ANKAR: variants seen among roughly 807,000 people sequenced by gnomAD.
The protein encoded by ANKAR is ankyrin and armadillo repeat-containing protein.
A neutral mutation model predicts 146.2 loss-of-function variants in ANKAR; 136 were observed. The observed-to-expected ratio is 0.93, with a 90% confidence interval of 0.81 to 1.07. ANKAR has a LOEUF of 1.07. ANKAR is among the 50% of genes least tolerant of loss of function. ANKAR has a pLI of 0.00. For missense variants in ANKAR, 1,567 were observed against 1,679.9 expected, an observed-to-expected ratio of 0.93 and a Z score of 1.18; for synonymous variants, 500 against 575.8, an observed-to-expected ratio of 0.87 and a Z score of 1.88.
At chr2:189,729,363 T>C (rs756873154) in intron 15 of ANKAR, among the ~76,000 whole-genome samples, 3 of 152,214 alleles carry the variant, frequency 2.0e-5, no homozygotes, top group Non-Finnish European at 4.4e-5. Flanking sequence ...TGTAGACTGC[T>C]TCTTGCAAAC....
intron 11 of ANKAR, among the ~76,000 whole-genome samples, chr2:189,720,241 T>A (rs116439204): frequency 2.8e-4 from 43 of 152,204 alleles, no homozygotes; most frequent in African/African-American, 9.6e-4. Context: ...GATTACAGAC[T>A]TGTGTTTCTT....
At chr2:189,740,860 A>G (rs1420556282) in intron 19 of ANKAR, among the ~76,000 whole-genome samples, 1 of 151,902 alleles carries the variant, frequency 6.6e-6, no homozygotes, top group Non-Finnish European at 1.5e-5. Flanking sequence ...CGCCCGGCTA[A>G]TTTTTGTATT....
intron 7 of ANKAR, among the ~76,000 whole-genome samples, chr2:189,701,275 C>T (rs994384744): frequency 2.6e-5 from 4 of 151,804 alleles, no homozygotes; most frequent in Non-Finnish European, 5.9e-5. Flanking sequence ...ATTTATTGCC[C>T]AGGCTGGAGT....
chr2:189,688,849 C>T (rs952085252), intron 2 of ANKAR, among the ~76,000 whole-genome samples: 6 of 152,170 alleles, frequency 3.9e-5, no homozygotes, highest in Non-Finnish European at 8.8e-5. Context: ...TTCACGTGTA[C>T]AGCCTCTGTA....
intron 18 of ANKAR, among the ~76,000 whole-genome samples, chr2:189,760,095 C>T (rs972332986): frequency 6.6e-6 from 1 of 152,240 alleles, no homozygotes; most frequent in Non-Finnish European, 1.5e-5. Context: ...AGATCAACAG[C>T]ATCCCAAGGC....
intron 18 of ANKAR, chr2:189,755,343 G>C (rs766224895): frequency 2.5e-6 from 4 of 1,613,440 alleles, no homozygotes; most frequent in Non-Finnish European, 3.4e-6. Context: ...GCCTCCATAT[G>C]ATGAATGGGA....
At chr2:189,689,469 A>T in intron 2 of ANKAR, 58 bp from the exon 3 acceptor site, 1 of 1,380,446 alleles carries the variant, frequency 7.2e-7, no homozygotes. Context: ...TTCTGTATTT[A>T]TCCAGAAGCC....
At chr2:189,679,755 A>T (rs940588243) in intron 2 of ANKAR, among the ~76,000 whole-genome samples, 1 of 152,156 alleles carries the variant, frequency 6.6e-6, no homozygotes, top group Admixed American at 6.5e-5. Context: ...GATGTATCAC[A>T]TATATTGACT....
chr2:189,680,701 C>A (rs1413286958), intron 2 of ANKAR, among the ~76,000 whole-genome samples: 2 of 152,048 alleles, frequency 1.3e-5, no homozygotes, highest in African/African-American at 2.4e-5. Flanking sequence ...AAAGATCATT[C>A]TGGAGCAGAT....
At chr2:189,755,022 T>C in intron 18 of ANKAR, 2 of 843,476 alleles carry the variant, frequency 2.4e-6, no homozygotes, top group Non-Finnish European at 3.5e-6. Context: ...TGTACTACTC[T>C]TTCTATTTTT....
intron 9 of ANKAR, among the ~76,000 whole-genome samples, chr2:189,707,894 G>A (rs1020657055): frequency 6.6e-6 from 1 of 152,160 alleles, no homozygotes; most frequent in African/African-American, 2.4e-5. Flanking sequence ...CAGTGGGAAA[G>A]CTGAGAACCC....
chr2:189,759,904 G>A (rs947176115), intron 18 of ANKAR, among the ~76,000 whole-genome samples: 2 of 152,144 alleles, frequency 1.3e-5, no homozygotes, highest in South Asian at 2.1e-4. Flanking sequence ...AGGACTCTGC[G>A]GCCTTCTGCA....
intron 8 of ANKAR, among the ~76,000 whole-genome samples, chr2:189,705,681 T>A (rs2038835656): frequency 6.6e-6 from 1 of 152,172 alleles, no homozygotes; most frequent in South Asian, 2.1e-4. Context: ...TCAAAGCGGA[T>A]GGACTTTGGA....
intron 2 of ANKAR, among the ~76,000 whole-genome samples, chr2:189,683,285 G>A (rs4667300): frequency 1 from 152,150 of 152,350 alleles, 75,977 homozygotes; most frequent in Middle Eastern, 1. Flanking sequence ...AAGTGTATCC[G>A]CTGGCTGCTG....
intron 17 of ANKAR, among the ~76,000 whole-genome samples, chr2:189,735,966 T>C (rs2042801863): frequency 2.0e-5 from 3 of 152,208 alleles, no homozygotes; most frequent in Admixed American, 1.3e-4. Flanking sequence ...TAACAATAAG[T>C]AACCAGTGGG....
At chr2:189,719,331 T>G (rs2040966411) in intron 10 of ANKAR, among the ~76,000 whole-genome samples, 1 of 152,194 alleles carries the variant, frequency 6.6e-6, no homozygotes, top group Non-Finnish European at 1.5e-5. Flanking sequence ...ATATAAAATG[T>G]TTGATCATGC....
intron 12 of ANKAR, among the ~76,000 whole-genome samples, chr2:189,721,869 G>A (rs549976814): frequency 2.0e-5 from 3 of 152,192 alleles, no homozygotes; most frequent in East Asian, 1.9e-4. Flanking sequence ...AAGAATAAGG[G>A]GAATGTAGAA....
chr2:189,733,840 A>G (rs1203051138), intron 17 of ANKAR, among the ~76,000 whole-genome samples: 2 of 111,150 alleles, frequency 1.8e-5, no homozygotes, highest in African/African-American at 3.4e-5. Context: ...ATTTTTTTCA[A>G]TGTCTACTTT....
At chr2:189,748,591 G>A (rs1234750361), downstream of ANKAR, among the ~76,000 whole-genome samples, 1 of 152,184 alleles carries the variant, frequency 6.6e-6, no homozygotes, top group Non-Finnish European at 1.5e-5. Context: ...ATGGTGCTGA[G>A]TCACAACTTT....
Sources: allele counts gnomAD v4.1 joint callset (sites outside exome capture counted in the v4.1 genomes callset), GRCh38; gene constraint gnomAD v4.1.1; transcripts MANE v1.5; gene names NCBI Gene and HGNC (gene_info 2026-07-23, HGNC 2026-07-21).